Variants in EXOC2 observed in about 807,000 individuals in gnomAD.
EXOC2 encodes SEC5-like 1.
In EXOC2, 70 loss-of-function variants were observed where a neutral mutation model predicts 131.8. The observed-to-expected ratio is 0.53, with a 90% CI of 0.44 to 0.65. EXOC2 has a LOEUF of 0.65. EXOC2 is among the 30% of genes least tolerant of loss of function. The pLI, the probability that EXOC2 is intolerant of heterozygous loss-of-function variation, is 0.00. For missense variants in EXOC2, 923 were observed against 1,108.6 expected (o/e 0.83, Z 2.38); for synonymous variants, 411 against 398.4 (o/e 1.03, Z -0.38).
chr6:570,040 G>A (rs1322238116), intron 13 of EXOC2, among the ~76,000 whole-genome samples: 1 of 152,162 alleles, frequency 6.6e-6, no homozygotes, highest in African/African-American at 2.4e-5. Context: ...TGTGTGGTGG[G>A]CCACTTGTAG....
At chr6:543,390 A>G (rs915881538) in intron 22 of EXOC2, among the ~76,000 whole-genome samples, 1 of 152,184 alleles carries the variant, frequency 6.6e-6, no homozygotes, top group Non-Finnish European at 1.5e-5. Flanking sequence ...GATCTCACTT[A>G]TATGTGGAAT....
intron 11 of EXOC2, among the ~76,000 whole-genome samples, chr6:580,204 G>A (rs562697568): frequency 6.6e-6 from 1 of 152,182 alleles, no homozygotes; most frequent in Non-Finnish European, 1.5e-5. Context: ...ACCATGCCCA[G>A]CTAATTTTTG....
intron 4 of EXOC2, among the ~76,000 whole-genome samples, chr6:623,711 C>T (rs1290004984): frequency 1.3e-5 from 2 of 152,120 alleles, no homozygotes; most frequent in Admixed American, 1.3e-4. Flanking sequence ...ATAAGCCAAC[C>T]GCGCTTGTCA....
At chr6:546,817 C>A (rs569525913) in intron 22 of EXOC2, among the ~76,000 whole-genome samples, 2 of 152,310 alleles carry the variant, frequency 1.3e-5, no homozygotes, top group East Asian at 1.9e-4. Context: ...AGGCTTCCAG[C>A]CAACAGGAGG....
intron 10 of EXOC2, among the ~76,000 whole-genome samples, chr6:593,263 T>C (rs1759641663): frequency 6.6e-6 from 1 of 151,688 alleles, no homozygotes; most frequent in East Asian, 1.9e-4. Context: ...CAGCAGATAC[T>C]GGGCAAATAC....
At chr6:667,033 T>C (rs1763661158) in intron 1 of EXOC2, among the ~76,000 whole-genome samples, 1 of 96,956 alleles carries the variant, frequency 1.0e-5, no homozygotes. Context: ...AACACTGGTG[T>C]CATTCATTTT....
intron 20 of EXOC2, among the ~76,000 whole-genome samples, chr6:554,544 G>T (rs940280576): frequency 2.8e-4 from 43 of 152,212 alleles, no homozygotes; most frequent in African/African-American, 1.0e-3. Context: ...TGGGTCTCTA[G>T]GGAGGTGATA....
chr6:511,903 C>T (rs562884520), intron 23 of EXOC2, among the ~76,000 whole-genome samples: 25 of 152,370 alleles, frequency 1.6e-4, no homozygotes, highest in African/African-American at 5.8e-4. Flanking sequence ...CGCATCACTC[C>T]GCCACATCTG....
rs9392675 is a variant in EXOC2 at position 588,840 on chromosome 6, G to A, written c.1192+3629C>T. ...CAAAACACTGATTTTAAGCAATTTA[G>A]AATGAATATATATAGCAATAAATTA... On this transcript the variant is annotated intron_variant, in intron 11 of 27. Coordinates refer to ENST00000230449, the MANE Select transcript of EXOC2 (RefSeq NM_018303.6). Among the ~76,000 whole-genome samples the A allele has an allele frequency of 1.1e-3, 164 of 151,952 alleles. 2 individuals carry two copies. The East Asian group carries it at 0.031, about 28-fold the overall frequency.
rs143123276 is a variant in EXOC2, at chr6:663,051, C to T, written c.-43-25190G>A. ...AAATAAAATTGACAGACCATGAGCACGATTAACCAACAAAAGAAGAGAGAA... is the reference window on the plus strand; with the variant it reads ...AAATAAAATTGACAGACCATGAGCATGATTAACCAACAAAAGAAGAGAGAA... On this transcript the variant is annotated intron_variant, in intron 1 of 27. Coordinates refer to ENST00000230449, the MANE Select transcript of EXOC2 (RefSeq NM_018303.6). 6.3e-3 allele frequency among the ~76,000 whole-genome samples: 947 copies of T among 151,162 alleles called. 8 individuals carry two copies. The highest frequency in any genetic ancestry group is 0.019 in the African/African-American group (784 of 41,280).
At chr6:496,323 T>C (rs1581297683) in intron 25 of EXOC2, among the ~76,000 whole-genome samples, 1 of 152,260 alleles carries the variant, frequency 6.6e-6, no homozygotes, top group African/African-American at 2.4e-5. Context: ...GACTCTGGAT[T>C]CTGTAATATA....
chr6:547,502 C>T (rs1228859939), intron 22 of EXOC2, among the ~76,000 whole-genome samples: 1 of 152,196 alleles, frequency 6.6e-6, no homozygotes, highest in African/African-American at 2.4e-5. Flanking sequence ...TGTGACTCTT[C>T]TGGGATCGAT....
chr6:645,914 G>T (rs1762560160), intron 1 of EXOC2, among the ~76,000 whole-genome samples: 2 of 152,168 alleles, frequency 1.3e-5, no homozygotes, highest in African/African-American at 4.8e-5. Flanking sequence ...ATGTCAAAAG[G>T]CCACAGAGCC....
intron 12 of EXOC2, 127 bp from the exon 13 acceptor site, chr6:572,771 C>A (rs766350878): frequency 8.4e-7 from 1 of 1,192,990 alleles, no homozygotes; most frequent in East Asian, 2.4e-5. Flanking sequence ...CCTGAGTCTG[C>A]GTGGACGCTC....
intron 1 of EXOC2, among the ~76,000 whole-genome samples, chr6:659,426 G>A (rs753672216): frequency 1.8e-4 from 27 of 152,118 alleles, no homozygotes; most frequent in African/African-American, 3.4e-4. Context: ...GCGAAGGCTC[G>A]CATTGTGAAT....
At chr6:619,237 G>A (rs1168238846) in intron 5 of EXOC2, among the ~76,000 whole-genome samples, 193 bp downstream of exon 5, 2 of 152,152 alleles carry the variant, frequency 1.3e-5, no homozygotes, top group Non-Finnish European at 2.9e-5. Flanking sequence ...GACCTCTAAA[G>A]AATCATCCCA....
chr6:671,878 G>A (rs1033884961), intron 1 of EXOC2, among the ~76,000 whole-genome samples: 1 of 151,938 alleles, frequency 6.6e-6, no homozygotes, highest in Admixed American at 6.6e-5. Flanking sequence ...TCTACAGTTT[G>A]AATACAATAT....
Position 619,367 on chromosome 6 carries a change from T to C in EXOC2, c.536+63A>G, listed in dbSNP as rs576076703. The C allele has an allele frequency of 4.5e-6, 6 of 1,337,834 alleles. No individual in the cohort carries two copies. The Admixed American group carries it at 5.2e-5, about 12-fold the overall frequency. 82.9% of individuals were successfully genotyped at this position (1,337,834 alleles called of 1,614,324 possible). The stretch of plus-strand genomic sequence containing the variant: ...GCCAGACCTAAAACTCGAGTTACCG[T>C]GTAATTCCATCTTTAGCATCTGAGT... On this transcript the variant is annotated intron_variant, in intron 5 of 27. Transcript: ENST00000230449.
intron 23 of EXOC2, among the ~76,000 whole-genome samples, chr6:521,275 C>A (rs1469919348): frequency 3.3e-5 from 5 of 152,104 alleles, no homozygotes; most frequent in Admixed American, 2.0e-4. Context: ...AAAACCACCA[C>A]CCACCGAGCG....
Sources: gnomAD v4.1 joint callset for allele counts (sites outside exome capture counted in the v4.1 genomes callset) on GRCh38, gnomAD v4.1.1 for gene constraint, MANE v1.5 for transcripts, NCBI Gene and HGNC (gene_info 2026-07-23, HGNC 2026-07-21) for gene names.